Variants in FLNC observed in about 807,000 individuals in gnomAD.
FLNC encodes filamin-C.
Under a neutral mutation model 254.3 loss-of-function variants are expected in FLNC, and 91 were observed. The observed-to-expected ratio is 0.36, with a 90% CI of 0.30 to 0.43. The LOEUF is 0.43. FLNC is among the 20% of genes least tolerant of loss of function. The pLI, the probability that FLNC is intolerant of heterozygous loss-of-function variation, is 1.00. For synonymous variants in FLNC, 1,430 were observed against 1,577.2 expected (o/e 0.91, Z 2.21); for missense variants, 2,853 against 3,802.6 (o/e 0.75, Z 6.57).
chr7:128,853,112 G>A, intron 37 of FLNC, 81 bp downstream of exon 37: 1 of 1,361,152 alleles, frequency 7.3e-7, no homozygotes, highest in Non-Finnish European at 1.0e-6. Flanking sequence ...GCACCCCCTT[G>A]GCCGCACTCT....
At position 128,854,105 on chromosome 7, in the gene FLNC, C is replaced by T. The variant is rs867032077; in HGVS notation, c.6616C>T (p.Arg2206Trp). The change falls in exon 40 of 48, where the codon CGG becomes TGG. Residue 2206 changes from arginine (R) to tryptophan (W), a missense_variant. Physicochemically the swap from Arg to Trp is moderately radical, Grantham distance 101. This residue lies in a region of FLNC where 551 missense variants were observed against 835.0 expected (regional missense o/e 0.66). Transcript: ENST00000325888. The stretch of plus-strand genomic sequence containing the variant: ...GGGCGGGGAGACAAAGCGCGAGGTG[C>T]GGGTGGAGGAGTCCACCCAGGTCGG... ...TRGGETKREVRVEESTQVGGD... is the reference protein window; with the variant it reads ...TRGGETKREVWVEESTQVGGD... The T allele has an allele frequency of 1.9e-6, 3 of 1,612,138 alleles. No homozygotes were observed. Among genetic ancestry groups the T allele is most frequent in the South Asian group, 1.1e-5 (1 of 91,016 alleles).
Position 128,844,804 on chromosome 7 carries a change from T to G in FLNC, c.3339T>G (p.Gly1113=), listed in dbSNP as rs756592172. Residue 1113 remains glycine (G), a synonymous_variant, in exon 21 of 48, where the codon GGT becomes GGG. Coordinates refer to ENST00000325888, the MANE Select transcript of FLNC (RefSeq NM_001458.5). ...CEAKIECQDN[G]DGSCAVSYLP... is the part of the protein sequence containing the mutation. ...CCAAGATCGAGTGCCAGGACAATGG[T>G]GATGGCTCATGTGCTGTCAGCTACC... The G allele has an allele frequency of 1.2e-6, 2 of 1,614,100 alleles. No individual in the cohort carries two copies. The highest frequency in any genetic ancestry group is 1.7e-6 in the Non-Finnish European group (2 of 1,180,026).
Position 128,830,921 on chromosome 7 carries a change from T to G in FLNC, c.284T>G (p.Met95Arg). Residue 95 changes from methionine to arginine, a missense_variant, in exon 1 of 48, where the codon ATG (methionine) becomes AGG (arginine). By Grantham distance (91) the Met-to-Arg change is moderately conservative. Around this residue, in one of 10 missense-constraint regions of FLNC, gnomAD observed 115 missense variants for 230.3 expected, o/e 0.50. Coordinates refer to ENST00000325888, the MANE Select transcript of FLNC (RefSeq NM_001458.5). ...KFHPRPNFRQ[M>R]KLENVSVALE... ...CATCCGCGCCCCAACTTCCGCCAAA[T>G]GAAGCTGGAGAACGTGTCCGTGGCC... The G allele has an allele frequency of 6.2e-7, 1 of 1,612,918 alleles. No individual in the cohort carries two copies. Among genetic ancestry groups the G allele is most frequent in the Non-Finnish European group, 8.5e-7 (1 of 1,179,942 alleles).
At chr7:128,833,753 CTG>C (rs1807985661) in intron 1 of FLNC, among the ~76,000 whole-genome samples, 1 of 152,178 alleles carries the variant, frequency 6.6e-6, no homozygotes, top group African/African-American at 2.4e-5. Flanking sequence ...GGCATCCAGA[CTG>C]TGTGAAAGTG....
intron 1 of FLNC, 57 bp downstream of exon 1, chr7:128,831,046 AGG>A: frequency 6.5e-7 from 1 of 1,536,668 alleles, no homozygotes; most frequent in South Asian, 1.1e-5. Flanking sequence ...CCCATGGGGC[AGG>A]GGCACAGGTG....
intron 8 of FLNC, among the ~76,000 whole-genome samples, chr7:128,839,465 C>T (rs1808239969): frequency 6.6e-6 from 1 of 152,268 alleles, no homozygotes; most frequent in East Asian, 1.9e-4. Flanking sequence ...CCTGTGGGTC[C>T]CATGCCATTT....
chr7:128,833,893 G>T (rs1488969464), intron 1 of FLNC, among the ~76,000 whole-genome samples: 3 of 152,208 alleles, frequency 2.0e-5, no homozygotes, highest in African/African-American at 7.2e-5. Flanking sequence ...GAGCTGCTGG[G>T]GAAGGAAGGA....
In FLNC at chr7:128,842,389, C is replaced by T; in HGVS notation, c.2265+15C>T. On this transcript the variant is annotated intron_variant, in intron 14 of 47. Transcript: ENST00000325888. The surrounding 1 kb of genome is among the most constrained non-coding windows in gnomAD (Gnocchi z 5.4). ...GCCCCTTCCGGGTGCGTCCTCCCGGCCTGCCCCGTGCCCACCACCAGGGGT... is the reference window on the plus strand; with the variant it reads ...GCCCCTTCCGGGTGCGTCCTCCCGGTCTGCCCCGTGCCCACCACCAGGGGT... 1 of 1,613,154 alleles carries T rather than the reference C, an allele frequency of 6.2e-7. No homozygotes were observed. The highest frequency in any genetic ancestry group is 8.5e-7 in the Non-Finnish European group (1 of 1,179,892).
intron 31 of FLNC, 21 bp from the exon 32 acceptor site, chr7:128,850,363 G>C (rs548999980): frequency 6.3e-7 from 1 of 1,599,588 alleles, no homozygotes; most frequent in East Asian, 2.2e-5. Context: ...GTCACTGACT[G>C]TTCCCTCTCA....
In FLNC at chr7:128,856,239, A is replaced by G. The variant is rs943553354; in HGVS notation, c.7252-279A>G. On this transcript the variant is annotated intron_variant, in intron 43 of 47. Coordinates refer to ENST00000325888, the MANE Select transcript of FLNC (RefSeq NM_001458.5). The surrounding 1 kb of genome is among the most constrained non-coding windows in gnomAD (Gnocchi z 5.9). Reference sequence around the variant, plus strand: ...GCCCTCCGCCCTCAGCCTGCTTCACACAGAGTGGGGCCCTTCCTTCCTCAG... The same window carrying G: ...GCCCTCCGCCCTCAGCCTGCTTCACGCAGAGTGGGGCCCTTCCTTCCTCAG... Among the ~76,000 whole-genome samples the G allele has an allele frequency of 2.0e-5, 3 of 152,170 alleles. No homozygotes were observed. Among genetic ancestry groups the G allele is most frequent in the African/African-American group, 7.2e-5 (3 of 41,444 alleles).
In FLNC at chr7:128,848,667, A is replaced by C. The variant is rs1490741362; in HGVS notation, c.4687A>C (p.Thr1563Pro). 6.2e-7 allele frequency: 1 copy of C among 1,613,402 alleles called. No individual in the cohort carries two copies. Among genetic ancestry groups the C allele is most frequent in the Non-Finnish European group, 8.5e-7 (1 of 1,179,992 alleles). Reference protein sequence around the residue: ...GIPASLPVEFTIDARDAGEGL... With the variant: ...GIPASLPVEFPIDARDAGEGL... ...CCCTGCCAGCCTGCCTGTGGAGTTCACCATCGACGCACGGGACGCGGGCGA... is the reference window on the plus strand; with the variant it reads ...CCCTGCCAGCCTGCCTGTGGAGTTCCCCATCGACGCACGGGACGCGGGCGA... Residue 1563 changes from threonine (T) to proline (P), a missense_variant, in exon 27 of 48, where the codon ACC (threonine) becomes CCC (proline). Physicochemically the swap from Thr to Pro is conservative, Grantham distance 38 (BLOSUM62 -1). Coordinates refer to ENST00000325888, the MANE Select transcript of FLNC (RefSeq NM_001458.5).
chr7:128,856,684 G>C lies in FLNC; in HGVS notation c.7384+34G>C. 1.2e-6 allele frequency: 2 copies of C among 1,613,746 alleles called. No individual in the cohort carries two copies. Among genetic ancestry groups the C allele is most frequent in the Non-Finnish European group, 1.7e-6 (2 of 1,180,002 alleles). On this transcript the variant is annotated intron_variant, in intron 44 of 47. Coordinates refer to ENST00000325888, the MANE Select transcript of FLNC (RefSeq NM_001458.5). The surrounding 1 kb of genome is among the most constrained non-coding windows in gnomAD (Gnocchi z 5.9). ...GCCCTGCCCCTGCCAACTCCCTTCCGGGCTGGGGCCTTCTGGGGAGGGGAA... is the reference window on the plus strand; with the variant it reads ...GCCCTGCCCCTGCCAACTCCCTTCCCGGCTGGGGCCTTCTGGGGAGGGGAA...
chr7:128,852,716 C>T lies in FLNC; in HGVS notation c.5968C>T (p.Pro1990Ser), dbSNP rs1380161858. The stretch of plus-strand genomic sequence containing the variant: ...CCGTGCCCCCTCGGGCAACGAGGAG[C>T]CCTGCCTGCTGAAGCGCCTGCCCAA... Reference protein sequence around the residue: ...SIRAPSGNEEPCLLKRLPNRH... With the variant: ...SIRAPSGNEESCLLKRLPNRH... The change falls in exon 36 of 48, where the codon CCC (proline) becomes TCC (serine). Residue 1990 changes from proline to serine, a missense_variant. Around this residue, in one of 10 missense-constraint regions of FLNC, gnomAD observed 551 missense variants for 835.0 expected, o/e 0.66. Coordinates refer to ENST00000325888, the MANE Select transcript of FLNC (RefSeq NM_001458.5). The T allele has an allele frequency of 1.9e-5, 31 of 1,613,234 alleles. No homozygotes were observed. In the East Asian group the frequency reaches 5.6e-4, roughly 29 times the overall value.
In FLNC at chr7:128,840,082, G is replaced by A. The variant is rs770264114; in HGVS notation, c.1471G>A (p.Val491Met). 6.8e-5 allele frequency: 109 copies of A among 1,614,020 alleles called. No homozygotes were observed. The highest frequency in any genetic ancestry group is 1.3e-4 in the South Asian group (12 of 91,096). The change falls in exon 9 of 48, where the codon GTG (valine) becomes ATG (methionine). Residue 491 changes from valine to methionine, a missense_variant. Transcript: ENST00000325888. ...AGGCCTGCAGCCCAAGGGTGTTCGC[G>A]TGAAAGAGGTGGCTGACTTCAAGGT... is the stretch of plus-strand genomic sequence containing the variant. Reference protein sequence around the residue: ...GRGLQPKGVRVKEVADFKVFT... With the variant: ...GRGLQPKGVRMKEVADFKVFT...
intron 36 of FLNC, 33 bp downstream of exon 36, chr7:128,852,785 TG>T (rs749765539): frequency 6.2e-7 from 1 of 1,613,142 alleles, no homozygotes; most frequent in Non-Finnish European, 8.5e-7. Context: ...ACCTCAGGGG[TG>T]GGGGCCCACA....
rs200760961 is a variant in FLNC, at chr7:128,857,233, T to C, written c.7677T>C (p.His2559=). 16 of 1,613,914 alleles carry C rather than the reference T, an allele frequency of 9.9e-6. No homozygotes were observed. The highest frequency in any genetic ancestry group is 5.3e-5 in the African/African-American group (4 of 74,908). ...QLDCRECPEG[H]VVTYTPMAPG... is the part of the protein sequence containing the mutation. ...ACTGTCGGGAGTGTCCTGAGGGCCATGTGGTCACTTATACTCCCATGGCCC... is the reference window on the plus strand; with the variant it reads ...ACTGTCGGGAGTGTCCTGAGGGCCACGTGGTCACTTATACTCCCATGGCCC... Residue 2559 remains histidine, a synonymous_variant, in exon 46 of 48, where the codon CAT becomes CAC. Transcript: ENST00000325888. This position sits in a 1 kb window ranked among gnomAD's most constrained non-coding sequence, Gnocchi z 4.5.
chr7:128,837,840 G>T (rs938389820), intron 5 of FLNC, 85 bp downstream of exon 5: 3 of 1,399,234 alleles, frequency 2.1e-6, no homozygotes, highest in Non-Finnish European at 3.0e-6. Context: ...TGGCCCGGAG[G>T]TGACTGCCAG....
Position 128,830,904 on chromosome 7 carries a change from C to A in FLNC, c.267C>A (p.Arg89=). ...QKRMYRKFHP[R]PNFRQMKLEN... is the part of the protein sequence containing the mutation. ...GCATGTACCGCAAGTTCCATCCGCG[C>A]CCCAACTTCCGCCAAATGAAGCTGG... The change falls in exon 1 of 48, where the codon CGC becomes CGA. Residue 89 remains arginine, a synonymous_variant. Coordinates refer to ENST00000325888, the MANE Select transcript of FLNC (RefSeq NM_001458.5). 6.2e-7 allele frequency: 1 copy of A among 1,613,146 alleles called. No individual in the cohort carries two copies. The highest frequency in any genetic ancestry group is 1.1e-5 in the South Asian group (1 of 91,092).
chr7:128,843,628 G>A, intron 18 of FLNC, 51 bp downstream of exon 18: 1 of 1,602,386 alleles, frequency 6.2e-7, no homozygotes, highest in Non-Finnish European at 8.5e-7. Flanking sequence ...CCAGAGCCCT[G>A]GGTCTCCCTC....
Sources: gnomAD v4.1 joint callset for allele counts (sites outside exome capture counted in the v4.1 genomes callset) on GRCh38, gnomAD v4.1.1 for gene constraint, gnomAD v4.1.1 regional missense constraint, Gnocchi (gnomAD v3.1) non-coding constraint, MANE v1.5 for transcripts, NCBI Gene and HGNC (gene_info 2026-07-23, HGNC 2026-07-21) for gene names.